The following TMEM50B variants were observed in gnomAD, a reference collection of about 807,000 sequenced individuals.
The protein encoded by TMEM50B is transmembrane protein 50B, also known as HCV p7-trans-regulated protein 3.
TMEM50B carries 14 observed loss-of-function variants against 23.4 expected under a neutral mutation model. The ratio of observed to expected loss-of-function variants is 0.60; its 90% CI spans 0.39 to 0.93. TMEM50B has a LOEUF of 0.93. Among genes scored for constraint, TMEM50B ranks in the 40% least tolerant of loss-of-function variants. The pLI is 0.00. For missense variants in TMEM50B, 159 were observed against 193.0 expected (o/e 0.82, Z 1.04); for synonymous variants, 64 against 62.3 (o/e 1.03, Z -0.13).
chr21:33,465,473 T>C lies in TMEM50B; in HGVS notation c.213-64A>G, dbSNP rs114584314. 4,986 of 1,258,506 alleles carry C rather than the reference T, an allele frequency of 4.0e-3. 147 individuals carry two copies. The African/African-American group carries it at 0.064, about 16-fold the overall frequency. The allele number at this position is 1,258,506 out of a possible 1,614,324, so 78.0% of individuals were successfully genotyped here. ...CGCTGTTAAAATACTCAAATATTTA[T>C]ATAACACTTAGACGGAAAACAGATT... On this transcript the variant is annotated intron_variant, in intron 3 of 6. Coordinates refer to ENST00000542230, the MANE Select transcript of TMEM50B (RefSeq NM_006134.7).
intron 8 of TMEM50B, among the ~76,000 whole-genome samples, chr21:33,435,012 A>G (rs984119645): frequency 6.6e-6 from 1 of 152,306 alleles, no homozygotes. Flanking sequence ...TGTTTCACTT[A>G]TAATTCTGGG....
intron 1 of TMEM50B, chr21:33,478,987 C>G (rs1308958339): frequency 2.9e-6 from 1 of 348,608 alleles, no homozygotes; most frequent in Non-Finnish European, 5.7e-6. Flanking sequence ...TCCCTCCCAC[C>G]CCGTCCCGTC....
intron 6 of TMEM50B, among the ~76,000 whole-genome samples, chr21:33,455,246 A>C (rs1477728164): frequency 6.6e-6 from 1 of 152,216 alleles, no homozygotes; most frequent in Non-Finnish European, 1.5e-5. Context: ...GCTGGAGTAC[A>C]GTGGTGCAGC....
downstream of TMEM50B, among the ~76,000 whole-genome samples, chr21:33,444,544 CA>C (rs56242611): frequency 1.9e-3 from 255 of 137,284 alleles, no homozygotes; most frequent in Admixed American, 1.5e-3. Context: ...GACCCTGTCT[CA>C]AAAAAAAAAA....
chr21:33,438,077 G>A (rs1188959149), intron 8 of TMEM50B, among the ~76,000 whole-genome samples: 1 of 151,926 alleles, frequency 6.6e-6, no homozygotes, highest in African/African-American at 2.4e-5. Flanking sequence ...TTGAGGCCAG[G>A]AGTTTGAGAA....
intron 7 of TMEM50B, among the ~76,000 whole-genome samples, chr21:33,444,136 G>A (rs1245978126): frequency 5.3e-5 from 8 of 151,776 alleles, no homozygotes; most frequent in Admixed American, 2.6e-4. Flanking sequence ...CCTGACCTCC[G>A]GTGATCCGCC....
intron 2 of TMEM50B, 183 bp downstream of exon 2, chr21:33,468,604 A>C (rs2084285561): frequency 1.9e-6 from 1 of 523,902 alleles, no homozygotes; most frequent in Admixed American, 3.7e-5. Context: ...TACAAAGTCA[A>C]AATGAATCCA....
At chr21:33,477,410 G>T (rs1199141057) in intron 1 of TMEM50B, among the ~76,000 whole-genome samples, 2 of 152,188 alleles carry the variant, frequency 1.3e-5, no homozygotes, top group Non-Finnish European at 2.9e-5. Flanking sequence ...CTAGGGAATG[G>T]AATTGAGGAT....
intron 1 of TMEM50B, chr21:33,478,984 C>T (rs2084400591): frequency 5.7e-6 from 2 of 350,476 alleles, no homozygotes; most frequent in Non-Finnish European, 1.1e-5. Context: ...ACTTCCCTCC[C>T]ACCCCGTCCC....
chr21:33,461,669 G>A (rs921603958), intron 4 of TMEM50B, among the ~76,000 whole-genome samples: 2 of 152,016 alleles, frequency 1.3e-5, no homozygotes, highest in African/African-American at 4.8e-5. Flanking sequence ...GTCGGGCTTG[G>A]TGGCGGGTGC....
chr21:33,438,088 C>T (rs752430040), intron 8 of TMEM50B, among the ~76,000 whole-genome samples: 2 of 151,334 alleles, frequency 1.3e-5, no homozygotes, highest in Non-Finnish European at 2.9e-5. Flanking sequence ...AGTTTGAGAA[C>T]AGCCTGGGCA....
chr21:33,440,972 G>A (rs2084003412), intron 7 of TMEM50B, among the ~76,000 whole-genome samples: 1 of 152,112 alleles, frequency 6.6e-6, no homozygotes, highest in South Asian at 2.1e-4. Flanking sequence ...GCTCACACCT[G>A]TAATCCCAGC....
chr21:33,440,523 GGTT>G (rs1377134134), intron 7 of TMEM50B, among the ~76,000 whole-genome samples: 9 of 151,856 alleles, frequency 5.9e-5, no homozygotes, highest in African/African-American at 1.9e-4. Context: ...GGGATGCAGA[GGTT>G]GCAGTGAGCA....
intron 4 of TMEM50B, among the ~76,000 whole-genome samples, chr21:33,462,978 A>T (rs2084230793): frequency 6.6e-6 from 1 of 152,218 alleles, no homozygotes; most frequent in Non-Finnish European, 1.5e-5. Context: ...AGGTTACAAA[A>T]TCTACATCAG....
chr21:33,464,534 G>A lies in TMEM50B; in HGVS notation c.280+808C>T, dbSNP rs1165420211. On this transcript the variant is annotated intron_variant, in intron 4 of 6. Transcript: ENST00000542230. ...TAAAAAACACAATTGGGCCGGGCTC[G>A]GTGGCTCACTCCTGTAATCCCAGCA... Among the ~76,000 whole-genome samples, 10 of 147,712 alleles carry A rather than the reference G, an allele frequency of 6.8e-5. No homozygotes were observed. In the South Asian group the frequency reaches 8.6e-4, roughly 13 times the overall value.
chr21:33,463,352 T>C (rs2084234399), intron 4 of TMEM50B, among the ~76,000 whole-genome samples: 1 of 152,164 alleles, frequency 6.6e-6, no homozygotes, highest in Non-Finnish European at 1.5e-5. Context: ...AGCTAAGCTC[T>C]TCAAAGCTGC....
intron 8 of TMEM50B, among the ~76,000 whole-genome samples, chr21:33,436,034 C>G (rs556939839): frequency 7.0e-4 from 107 of 152,168 alleles, no homozygotes; most frequent in African/African-American, 2.1e-3. Context: ...GCACTCCAGC[C>G]TGGGCGAAAA....
rs375812334 is a variant in TMEM50B, at chr21:33,472,822, A to C, written c.-41-3896T>G. On this transcript the variant is annotated intron_variant, in intron 1 of 6. Transcript: ENST00000542230. The stretch of plus-strand genomic sequence containing the variant: ...GGGAGGCGGAGGTTGCAGTGAGCCA[A>C]GATCACACCATTCATTGCATTTCAG... Among the ~76,000 whole-genome samples the C allele has an allele frequency of 1.4e-4, 21 of 152,224 alleles. No homozygotes were observed. In the South Asian group the frequency reaches 3.5e-3, roughly 26 times the overall value.
rs1295582149 is a variant in TMEM50B, at chr21:33,450,041, T to G, written c.*777A>C. 1 of 152,330 alleles carries G rather than the reference T, an allele frequency of 6.6e-6. No individual in the cohort carries two copies. Among genetic ancestry groups the G allele is most frequent in the Non-Finnish European group, 1.5e-5 (1 of 68,032 alleles). 9.4% of individuals were successfully genotyped at this position (152,330 alleles called of 1,614,324 possible). A position where few individuals can be genotyped will look rare whatever the true frequency, so the allele number is the denominator to read the frequency against. On this transcript the variant is annotated 3_prime_UTR_variant, in exon 7 of 7. Transcript: ENST00000542230. ...AATCATTATATAAAAGTACACTTCT[T>G]CAATACATAAGAACAAATATTTTTT...
Sources: gnomAD v4.1 joint callset for allele counts (sites outside exome capture counted in the v4.1 genomes callset) on GRCh38, gnomAD v4.1.1 for gene constraint, MANE v1.5 for transcripts, NCBI Gene and HGNC (gene_info 2026-07-23, HGNC 2026-07-21) for gene names.